The following KCNQ1 variants were observed in gnomAD, a reference collection of about 807,000 sequenced individuals.
KCNQ1 encodes the protein potassium voltage-gated channel subfamily Q member 1.
A neutral mutation model predicts 72.4 loss-of-function variants in KCNQ1; 49 were observed. That is an observed-to-expected ratio of 0.68 (90% CI 0.54 to 0.86). The LOEUF (loss-of-function observed/expected upper bound fraction) is 0.86. Ranked by LOEUF, KCNQ1 falls within the 40% of genes least tolerant of loss-of-function variation. The pLI, the probability that KCNQ1 is intolerant of heterozygous loss-of-function variation, is 0.00. For missense variants in KCNQ1, 790 were observed against 945.1 expected (o/e 0.84, Z 2.15); for synonymous variants, 450 against 412.6 (o/e 1.09, Z -1.10).
intron 11 of KCNQ1, chr11:2,696,967 T>C: frequency 2.5e-6 from 1 of 398,564 alleles, no homozygotes; most frequent in East Asian, 3.6e-5. Context: ...TTAAGTTCCT[T>C]AATTTTTTTT....
At chr11:2,696,752 T>C (rs1850683212) in intron 11 of KCNQ1, 1 of 398,502 alleles carries the variant, frequency 2.5e-6, no homozygotes, top group African/African-American at 2.1e-5. Flanking sequence ...TTTTAAAATT[T>C]TTTCCATAAA....
rs1847529097 is a variant in KCNQ1 at position 2,813,225 on chromosome 11, C to A, written c.1795-34542C>A. Reference sequence around the variant, plus strand: ...TGGCAGAGCTGGAGGGAGTTCCATCCCAGCCCCAAGGTGCCTGGAGTAGCT... The same window carrying A: ...TGGCAGAGCTGGAGGGAGTTCCATCACAGCCCCAAGGTGCCTGGAGTAGCT... On this transcript the variant is annotated intron_variant, in intron 15 of 15. Transcript: ENST00000155840. This position sits in a 1 kb window ranked among gnomAD's most constrained non-coding sequence, Gnocchi z 4.4. Among the ~76,000 whole-genome samples, 1 of 152,158 alleles carries A rather than the reference C, an allele frequency of 6.6e-6. No individual in the cohort carries two copies. Among genetic ancestry groups the A allele is most frequent in the South Asian group, 2.1e-4 (1 of 4,832 alleles).
At chr11:2,496,174 T>A (rs1302294462) in intron 1 of KCNQ1, among the ~76,000 whole-genome samples, 1 of 152,128 alleles carries the variant, frequency 6.6e-6, no homozygotes, top group South Asian at 2.1e-4. Context: ...CAGTGGCTCA[T>A]GCCTGTAATC....
intron 11 of KCNQ1, chr11:2,697,767 G>A (rs552462397): frequency 2.5e-6 from 1 of 398,588 alleles, no homozygotes; most frequent in East Asian, 3.6e-5. Context: ...GATTCAGTTA[G>A]CTAGCATTGT....
At chr11:2,660,361 G>A (rs1849929932) in intron 10 of KCNQ1, 3 of 398,366 alleles carry the variant, frequency 7.5e-6, no homozygotes, top group Non-Finnish European at 1.3e-5. Flanking sequence ...AGAGAGAATT[G>A]TATTACGCTG....
At chr11:2,739,953 G>A (rs1302212101) in intron 11 of KCNQ1, among the ~76,000 whole-genome samples, 1 of 152,256 alleles carries the variant, frequency 6.6e-6, no homozygotes, top group Admixed American at 6.5e-5. Flanking sequence ...TGCAGGTGGG[G>A]TGGTGAGCCA....
chr11:2,614,022 TA>T, intron 10 of KCNQ1: 1 of 398,646 alleles, frequency 2.5e-6, no homozygotes, highest in East Asian at 3.6e-5. Context: ...AGTTGCATAG[TA>T]TTCCTTAGTG....
At chr11:2,760,731 C>A (rs1846379398) in intron 11 of KCNQ1, among the ~76,000 whole-genome samples, 1 of 152,210 alleles carries the variant, frequency 6.6e-6, no homozygotes. Flanking sequence ...CTGTCTCTTA[C>A]CAGCTCGCTC....
At chr11:2,583,615 C>G in intron 7 of KCNQ1, 70 bp downstream of exon 7, 1 of 1,059,726 alleles carries the variant, frequency 9.4e-7, no homozygotes, top group Non-Finnish European at 1.5e-6. Context: ...CTGCACGCCC[C>G]TCCCTGTGAG....
In KCNQ1 at chr11:2,598,596, C is replaced by T. The variant is rs1302909736; in HGVS notation, c.1393+9742C>T. Among the ~76,000 whole-genome samples the T allele has an allele frequency of 6.8e-6, 1 of 147,474 alleles. No homozygotes were observed. The highest frequency in any genetic ancestry group is 2.6e-5 in the African/African-American group (1 of 37,950). Reference sequence around the variant, plus strand: ...TTATTCATTGCCTCATTTAGGTCTGCTCTGCCCTTAGTTAAAAAAAAAAAA... The same window carrying T: ...TTATTCATTGCCTCATTTAGGTCTGTTCTGCCCTTAGTTAAAAAAAAAAAA... On this transcript the variant is annotated intron_variant, in intron 10 of 15. Transcript: ENST00000155840. This position sits in a 1 kb window ranked among gnomAD's most constrained non-coding sequence, Gnocchi z 6.2.
At chr11:2,693,735 G>A (rs1366472290) in intron 11 of KCNQ1, 1 of 398,688 alleles carries the variant, frequency 2.5e-6, no homozygotes, top group Non-Finnish European at 4.4e-6. Context: ...CTGGAACCCT[G>A]GGTTATACAG....
rs1490694326 is a variant in KCNQ1 at position 2,663,483 on chromosome 11, G to C, written c.1514+1402G>C. On this transcript the variant is annotated intron_variant, in intron 11 of 15. Transcript: ENST00000155840. The surrounding 1 kb of genome is among the most constrained non-coding windows in gnomAD (Gnocchi z 5.2). ...GTGTTAGTTTAGTGGCTCATGTTGT[G>C]TGCAATACAGGTGGCAGTGCCTGTA... The C allele has an allele frequency of 5.0e-6, 2 of 398,544 alleles. No homozygotes were observed. The highest frequency in any genetic ancestry group is 8.8e-6 in the Non-Finnish European group (2 of 226,102). The allele number at this position is 398,544 out of a possible 1,614,324, so 24.7% of individuals were successfully genotyped here. A position where few individuals can be genotyped will look rare whatever the true frequency, so the allele number is the denominator to read the frequency against.
At position 2,601,012 on chromosome 11, in the gene KCNQ1, C is replaced by T. The variant is rs1189311924; in HGVS notation, c.1393+12158C>T. Reference sequence around the variant, plus strand: ...TATCCACTTTTCTACCTTACAGTTACTATATTTTGCCTTGCAACCAATAAA... The same window carrying T: ...TATCCACTTTTCTACCTTACAGTTATTATATTTTGCCTTGCAACCAATAAA... On this transcript the variant is annotated intron_variant, in intron 10 of 15. Coordinates refer to ENST00000155840, the MANE Select transcript of KCNQ1 (RefSeq NM_000218.3). This position sits in a 1 kb window ranked among gnomAD's most constrained non-coding sequence, Gnocchi z 5.2. Among the ~76,000 whole-genome samples the T allele has an allele frequency of 1.3e-5, 2 of 151,456 alleles. No individual in the cohort carries two copies. The highest frequency in any genetic ancestry group is 2.4e-5 in the African/African-American group (1 of 41,104).
intron 10 of KCNQ1, among the ~76,000 whole-genome samples, chr11:2,591,912 G>A (rs186701679): frequency 2.0e-5 from 3 of 152,358 alleles, no homozygotes; most frequent in Admixed American, 2.0e-4. Context: ...CTTTGCCCAG[G>A]AGGCTCTTGG....
At chr11:2,706,022 A>T (rs1024275552) in intron 11 of KCNQ1, among the ~76,000 whole-genome samples, 1 of 152,168 alleles carries the variant, frequency 6.6e-6, no homozygotes, top group Non-Finnish European at 1.5e-5. Context: ...GGCTCAGAAG[A>T]TGGATGTAAT....
At position 2,544,581 on chromosome 11, in the gene KCNQ1, A is replaced by G. The variant is rs550785594; in HGVS notation, c.477+16563A>G. On this transcript the variant is annotated intron_variant, in intron 2 of 15. Coordinates refer to ENST00000155840, the MANE Select transcript of KCNQ1 (RefSeq NM_000218.3). The surrounding 1 kb of genome is among the most constrained non-coding windows in gnomAD (Gnocchi z 4.4). ...GTCTTGTACATCTTTTGAGGTACCT[A>G]AGTGTTTCATATTTTTTATGCTATG... is the stretch of plus-strand genomic sequence containing the variant. Among the ~76,000 whole-genome samples, 1 of 150,622 alleles carries G rather than the reference A, an allele frequency of 6.6e-6. No individual in the cohort carries two copies. The highest frequency in any genetic ancestry group is 2.4e-5 in the African/African-American group (1 of 41,426).
At chr11:2,656,811 C>T in intron 10 of KCNQ1, 2 of 398,550 alleles carry the variant, frequency 5.0e-6, no homozygotes, top group South Asian at 1.3e-4. Flanking sequence ...AGATATTCTT[C>T]TATATTCAGT....
chr11:2,577,883 C>T (rs942019199), intron 6 of KCNQ1, among the ~76,000 whole-genome samples: 1 of 152,020 alleles, frequency 6.6e-6, no homozygotes, highest in Non-Finnish European at 1.5e-5. Context: ...AGGGGCCTCC[C>T]TCTGTCCACG....
At chr11:2,533,717 C>T (rs1847679918) in intron 2 of KCNQ1, among the ~76,000 whole-genome samples, 1 of 152,198 alleles carries the variant, frequency 6.6e-6, no homozygotes, top group Non-Finnish European at 1.5e-5. Flanking sequence ...CTTGCCGAAG[C>T]CAGCTGCTGC....
Sources: gnomAD v4.1 joint callset for allele counts (sites outside exome capture counted in the v4.1 genomes callset) on GRCh38, gnomAD v4.1.1 for gene constraint, Gnocchi (gnomAD v3.1) non-coding constraint, MANE v1.5 for transcripts, NCBI Gene and HGNC (gene_info 2026-07-23, HGNC 2026-07-21) for gene names.